The following CTNNA2 variants were observed in gnomAD, a reference collection of about 807,000 sequenced individuals.
The protein encoded by CTNNA2 is catenin alpha 2, also known as catenin alpha-2.
In CTNNA2, 42 loss-of-function variants were observed where a neutral mutation model predicts 101.0. That is an observed-to-expected ratio of 0.42 (90% CI 0.32 to 0.54). The LOEUF is 0.54. Among genes scored for constraint, CTNNA2 ranks in the 20% least tolerant of loss-of-function variants. The probability of loss-of-function intolerance (pLI) is 0.14; values close to 1 mark genes in which losing one functional copy is unlikely to be tolerated. For missense variants in CTNNA2, 871 were observed against 1,223.1 expected (o/e 0.71, Z 4.29); for synonymous variants, 450 against 456.4 (o/e 0.99, Z 0.18).
chr2:79,262,204 G>T (rs1478419238), intron 2 of CTNNA2, among the ~76,000 whole-genome samples: 1 of 152,138 alleles, frequency 6.6e-6, no homozygotes, highest in Non-Finnish European at 1.5e-5. Flanking sequence ...AGGGCCCTTA[G>T]AAAGGTACTC....
At chr2:80,600,630 AT>A in intron 15 of CTNNA2, among the ~76,000 whole-genome samples, 1 of 152,148 alleles carries the variant, frequency 6.6e-6, no homozygotes, top group South Asian at 2.1e-4. Flanking sequence ...AATGAAAATT[AT>A]TTTTTTAATA....
intron 7 of CTNNA2, among the ~76,000 whole-genome samples, chr2:80,269,043 A>C (rs1276885671): frequency 6.6e-6 from 1 of 152,232 alleles, no homozygotes; most frequent in Admixed American, 6.5e-5. Flanking sequence ...AAAGCAAGCA[A>C]GTTTTCATGA....
intron 1 of CTNNA2, among the ~76,000 whole-genome samples, chr2:79,630,180 C>A (rs1249528715): frequency 2.6e-5 from 4 of 150,994 alleles, no homozygotes; most frequent in African/African-American, 9.9e-5. Flanking sequence ...CTCCCCTTGC[C>A]ACCTCCTTCA....
intron 7 of CTNNA2, among the ~76,000 whole-genome samples, chr2:80,011,539 T>C (rs1335119792): frequency 6.7e-6 from 1 of 150,286 alleles, no homozygotes; most frequent in East Asian, 1.9e-4. Flanking sequence ...AAAAAGAACA[T>C]CAACATTCTA....
chr2:79,264,731 CTA>C (rs915957029), intron 2 of CTNNA2, among the ~76,000 whole-genome samples: 2 of 98,262 alleles, frequency 2.0e-5, no homozygotes, highest in African/African-American at 7.7e-5. Context: ...TTGCTGCAAC[CTA>C]TTTTTTTTTT....
chr2:80,639,623 C>T (rs987573029), intron 18 of CTNNA2, among the ~76,000 whole-genome samples: 3 of 151,920 alleles, frequency 2.0e-5, no homozygotes, highest in African/African-American at 7.3e-5. Flanking sequence ...AAATATGCAA[C>T]CAATTTTTAT....
intron 3 of CTNNA2, among the ~76,000 whole-genome samples, chr2:79,852,413 A>G (rs1023391932): frequency 2.0e-5 from 3 of 152,112 alleles, no homozygotes; most frequent in Non-Finnish European, 2.9e-5. Flanking sequence ...GTGGCTTTTC[A>G]TGTCTTAATC....
intron 2 of CTNNA2, among the ~76,000 whole-genome samples, chr2:79,309,557 A>G (rs2104398518): frequency 6.6e-6 from 1 of 152,326 alleles, no homozygotes; most frequent in East Asian, 1.9e-4. Flanking sequence ...AGGAACAAGG[A>G]GAAAGAACAA....
At chr2:80,566,163 T>C (rs1294198417) in intron 12 of CTNNA2, among the ~76,000 whole-genome samples, 1 of 152,208 alleles carries the variant, frequency 6.6e-6, no homozygotes, top group Non-Finnish European at 1.5e-5. Flanking sequence ...TACCCGCAAA[T>C]TTAACTTGCC....
At chr2:80,435,214 T>C (rs1288466779) in intron 9 of CTNNA2, among the ~76,000 whole-genome samples, 10 of 152,190 alleles carry the variant, frequency 6.6e-5, no homozygotes, top group African/African-American at 2.2e-4. Context: ...TAAATATGCA[T>C]ATGCACACTC....
At chr2:79,631,636 G>T (rs886118094) in intron 1 of CTNNA2, among the ~76,000 whole-genome samples, 3 of 152,086 alleles carry the variant, frequency 2.0e-5, no homozygotes, top group Non-Finnish European at 4.4e-5. Context: ...ATACAAAAAA[G>T]GATTGAATAA....
At chr2:79,524,055 C>T (rs1672265195) in intron 1 of CTNNA2, among the ~76,000 whole-genome samples, 1 of 151,920 alleles carries the variant, frequency 6.6e-6, no homozygotes, top group Non-Finnish European at 1.5e-5. Flanking sequence ...TTTCTTTCCC[C>T]AAAGTTTCAT....
intron 7 of CTNNA2, among the ~76,000 whole-genome samples, chr2:79,977,222 G>GCGCGCACACACA (rs142876512): frequency 2.1e-5 from 3 of 144,740 alleles, no homozygotes; most frequent in African/African-American, 5.2e-5. Context: ...GCATATGCAT[G>GCGCGCACACACA]CACACACACA....
At chr2:79,950,829 A>G (rs567183931) in intron 7 of CTNNA2, among the ~76,000 whole-genome samples, 23 of 152,328 alleles carry the variant, frequency 1.5e-4, no homozygotes, top group African/African-American at 5.3e-4. Flanking sequence ...TGTTGTTGAC[A>G]GAATACATTA....
At chr2:79,252,571 CTGAG>C (rs1323495090) in intron 2 of CTNNA2, among the ~76,000 whole-genome samples, 1 of 152,018 alleles carries the variant, frequency 6.6e-6, no homozygotes, top group East Asian at 1.9e-4. Context: ...GGACCATTTC[CTGAG>C]TAATTCGAGC....
At chr2:79,671,837 C>T (rs1682860901) in intron 2 of CTNNA2, among the ~76,000 whole-genome samples, 1 of 152,174 alleles carries the variant, frequency 6.6e-6, no homozygotes, top group South Asian at 2.1e-4. Context: ...CTTCACATTG[C>T]ATGTGGATTA....
intron 9 of CTNNA2, among the ~76,000 whole-genome samples, chr2:80,439,255 A>G (rs1245158316): frequency 6.6e-6 from 1 of 152,210 alleles, no homozygotes; most frequent in Non-Finnish European, 1.5e-5. Context: ...GGAAAAATTC[A>G]TCATCAATTT....
intron 17 of CTNNA2, among the ~76,000 whole-genome samples, chr2:80,609,757 A>T (rs1698308611): frequency 6.6e-6 from 1 of 151,464 alleles, no homozygotes; most frequent in African/African-American, 2.4e-5. Context: ...GTTACTTTCC[A>T]ATCTTATTAT....
At chr2:79,822,839 G>A (rs116324330) in intron 3 of CTNNA2, among the ~76,000 whole-genome samples, 1 of 152,026 alleles carries the variant, frequency 6.6e-6, no homozygotes, top group South Asian at 2.1e-4. Context: ...CCTGAGCATA[G>A]CCTATAAGGC....
Sources: gnomAD v4.1 joint callset for allele counts (sites outside exome capture counted in the v4.1 genomes callset) on GRCh38, gnomAD v4.1.1 for gene constraint, MANE v1.5 for transcripts, NCBI Gene and HGNC (gene_info 2026-07-23, HGNC 2026-07-21) for gene names.